Variants in PIK3R4 observed in about 807,000 individuals in gnomAD.
The protein encoded by PIK3R4 is phosphoinositide 3-kinase regulatory subunit 4.
In PIK3R4, 46 loss-of-function variants were observed where a neutral mutation model predicts 136.5. The observed-to-expected ratio is 0.34, with a 90% confidence interval of 0.27 to 0.43. PIK3R4 has a LOEUF of 0.43. Ranked by LOEUF, PIK3R4 falls within the 20% of genes least tolerant of loss-of-function variation. The pLI is 1.00. For missense variants in PIK3R4, 1,331 were observed against 1,649.5 expected (o/e 0.81, Z 3.35); for synonymous variants, 557 against 566.7 (o/e 0.98, Z 0.24).
chr3:130,733,860 A>G lies in PIK3R4; in HGVS notation c.1138T>C (p.Ser380Pro). Residue 380 changes from serine to proline, a missense_variant, in exon 4 of 20, where the codon TCT (serine) becomes CCT (proline). Around this residue, in one of 2 missense-constraint regions of PIK3R4, gnomAD observed 1,180 missense variants for 1,407.0 expected, o/e 0.84. Transcript: ENST00000356763. ...GTCTGTAGGCAGGATGTTATAACAGATACCAAGATAACCAGCCCATTTTCC... is the reference window on the plus strand; with the variant it reads ...GTCTGTAGGCAGGATGTTATAACAGGTACCAAGATAACCAGCCCATTTTCC... ...PKENGLVILV[S>P]VITSCLQTLK... 1 of 1,614,176 alleles carries G rather than the reference A, an allele frequency of 6.2e-7. No homozygotes were observed. Among genetic ancestry groups the G allele is most frequent in the Non-Finnish European group, 8.5e-7 (1 of 1,179,996 alleles).
In PIK3R4 at chr3:130,679,759, A is replaced by G. The variant is rs2066444217; in HGVS notation, c.3907-274T>C. ...GCATATTAACTTTTGCCAACATCAAAAGAAAAAAGGGATAGAATATAATTA... is the reference window on the plus strand; with the variant it reads ...GCATATTAACTTTTGCCAACATCAAGAGAAAAAAGGGATAGAATATAATTA... On this transcript the variant is annotated intron_variant, in intron 19 of 19. Coordinates refer to ENST00000356763, the MANE Select transcript of PIK3R4 (RefSeq NM_014602.3). Among the ~76,000 whole-genome samples the G allele has an allele frequency of 2.0e-5, 3 of 152,276 alleles. No homozygotes were observed. In the South Asian group the frequency reaches 6.2e-4, roughly 32 times the overall value.
intron 5 of PIK3R4, among the ~76,000 whole-genome samples, chr3:130,729,800 C>G (rs917683526): frequency 6.6e-6 from 1 of 152,122 alleles, no homozygotes; most frequent in Non-Finnish European, 1.5e-5. Flanking sequence ...TTTTACTCAA[C>G]AAACATTAAG....
intron 13 of PIK3R4, among the ~76,000 whole-genome samples, chr3:130,699,537 A>C (rs1166608648): frequency 6.6e-6 from 1 of 152,176 alleles, no homozygotes; most frequent in Admixed American, 6.5e-5. Context: ...TAAGGACGAC[A>C]TGGCTCACTA....
At chr3:130,713,991 T>C (rs1347508132) in intron 9 of PIK3R4, among the ~76,000 whole-genome samples, 1 of 152,048 alleles carries the variant, frequency 6.6e-6, no homozygotes, top group Non-Finnish European at 1.5e-5. Context: ...GGTTTTTAAA[T>C]TAATATACAG....
intron 13 of PIK3R4, 24 bp from the exon 14 acceptor site, chr3:130,690,678 C>G: frequency 6.8e-7 from 1 of 1,477,902 alleles, no homozygotes; most frequent in Non-Finnish European, 9.3e-7. Flanking sequence ...AAATAAAATT[C>G]ATTTATGAAC....
At chr3:130,680,390 A>C (rs954411387) in intron 19 of PIK3R4, 18 of 276,706 alleles carry the variant, frequency 6.5e-5, no homozygotes, top group African/African-American at 3.4e-4. Flanking sequence ...GATGTTATAA[A>C]GTACATACTG....
At chr3:130,745,833 C>A (rs1467539412) in intron 1 of PIK3R4, among the ~76,000 whole-genome samples, 1 of 152,062 alleles carries the variant, frequency 6.6e-6, no homozygotes, top group East Asian at 1.9e-4. Flanking sequence ...ACGGGGCTGG[C>A]CAACATGGTT....
At chr3:130,704,015 C>G in intron 12 of PIK3R4, 127 bp from the exon 13 acceptor site, 1 of 619,126 alleles carries the variant, frequency 1.6e-6, no homozygotes, top group Non-Finnish European at 2.9e-6. Flanking sequence ...TTGAAAGTAC[C>G]AATAGTTGCC....
chr3:130,693,939 A>G (rs547703045), intron 13 of PIK3R4, among the ~76,000 whole-genome samples: 28 of 152,212 alleles, frequency 1.8e-4, no homozygotes, highest in African/African-American at 5.3e-4. Context: ...TCCATTTTGA[A>G]TAAGTCTACT....
intron 12 of PIK3R4, among the ~76,000 whole-genome samples, chr3:130,704,797 G>C (rs188561240): frequency 2.6e-5 from 4 of 151,718 alleles, no homozygotes; most frequent in Admixed American, 2.6e-4. Flanking sequence ...TAGGGTTAGA[G>C]GTGATGTTGT....
At chr3:130,694,251 T>C (rs1320249386) in intron 13 of PIK3R4, among the ~76,000 whole-genome samples, 1 of 152,036 alleles carries the variant, frequency 6.6e-6, no homozygotes, top group Admixed American at 6.5e-5. Flanking sequence ...ATTGTTTTGG[T>C]TATTCTGAGT....
chr3:130,713,775 C>T (rs796441041), intron 9 of PIK3R4, among the ~76,000 whole-genome samples: 7 of 152,240 alleles, frequency 4.6e-5, no homozygotes, highest in African/African-American at 1.4e-4. Context: ...CAGGTTCAAG[C>T]GATTTCCCTG....
At chr3:130,733,078 T>C (rs2066767281) in intron 4 of PIK3R4, among the ~76,000 whole-genome samples, 1 of 152,168 alleles carries the variant, frequency 6.6e-6, no homozygotes, top group Non-Finnish European at 1.5e-5. Context: ...TCCTAAACAG[T>C]ACAGTAACTG....
intron 9 of PIK3R4, among the ~76,000 whole-genome samples, chr3:130,712,938 G>C (rs1024849329): frequency 2.8e-4 from 42 of 152,210 alleles, no homozygotes; most frequent in African/African-American, 9.4e-4. Context: ...CAGTGTAGGA[G>C]TGTAGGCTTT....
chr3:130,726,549 A>G (rs2066733377), intron 6 of PIK3R4, among the ~76,000 whole-genome samples: 1 of 152,168 alleles, frequency 6.6e-6, no homozygotes. Context: ...CTTAACGATC[A>G]GCATATGACA....
chr3:130,696,597 T>C (rs960032599), intron 13 of PIK3R4, among the ~76,000 whole-genome samples: 14 of 152,224 alleles, frequency 9.2e-5, no homozygotes, highest in African/African-American at 3.4e-4. Context: ...CATTCCAATT[T>C]GGTTAACAAA....
chr3:130,734,654 T>C (rs1468938188), intron 3 of PIK3R4, among the ~76,000 whole-genome samples: 1 of 152,222 alleles, frequency 6.6e-6, no homozygotes, highest in Non-Finnish European at 1.5e-5. Context: ...GGGGAATCAG[T>C]GGCTTAAAGT....
At chr3:130,693,333 T>C (rs911111189) in intron 13 of PIK3R4, among the ~76,000 whole-genome samples, 2 of 152,196 alleles carry the variant, frequency 1.3e-5, no homozygotes, top group Admixed American at 6.5e-5. Context: ...AATGGAATCA[T>C]AGGGTCATAT....
At chr3:130,712,895 C>T (rs746434348) in intron 9 of PIK3R4, among the ~76,000 whole-genome samples, 5 of 152,092 alleles carry the variant, frequency 3.3e-5, no homozygotes, top group Non-Finnish European at 5.9e-5. Context: ...GCTCTCTGTC[C>T]TCTGTTTATT....
Sources: allele counts gnomAD v4.1 joint callset (sites outside exome capture counted in the v4.1 genomes callset), GRCh38; gene constraint gnomAD v4.1.1; regional missense constraint gnomAD v4.1.1; transcripts MANE v1.5; gene names NCBI Gene and HGNC (gene_info 2026-07-23, HGNC 2026-07-21).